The following ADSS2 variants were observed in gnomAD, a reference collection of about 807,000 sequenced individuals.
ADSS2 encodes adenylosuccinate synthetase isozyme 2.
ADSS2 carries 30 observed loss-of-function variants against 60.0 expected under a neutral mutation model. That is an observed-to-expected ratio of 0.50 (90% CI 0.37 to 0.68). The LOEUF (loss-of-function observed/expected upper bound fraction) is 0.68, where lower values mean the gene tolerates loss of function less well. ADSS2 is among the 30% of genes least tolerant of loss of function. ADSS2 has a pLI of 0.00. For missense variants in ADSS2, 373 were observed against 554.8 expected (o/e 0.67, Z 3.29); for synonymous variants, 187 against 193.1 (o/e 0.97, Z 0.26).
At chr1:244,436,261 C>T (rs1665098812) in intron 3 of ADSS2, among the ~76,000 whole-genome samples, 1 of 152,134 alleles carries the variant, frequency 6.6e-6, no homozygotes, top group African/African-American at 2.4e-5. Flanking sequence ...CCCTCACACC[C>T]TAATGAGATG....
rs1227352699 is a variant in ADSS2, at chr1:244,451,349, C to T, written c.183+286G>A. ...CCGGCGCTGAGCACCACTCGCCAGACGCAAAACTGCAACTGCCAGGCATCG... is the reference window on the plus strand; with the variant it reads ...CCGGCGCTGAGCACCACTCGCCAGATGCAAAACTGCAACTGCCAGGCATCG... On this transcript the variant is annotated intron_variant, in intron 1 of 12. Transcript: ENST00000366535. This position sits in a 1 kb window ranked among gnomAD's most constrained non-coding sequence, Gnocchi z 6.6. Among the ~76,000 whole-genome samples, 1 of 152,196 alleles carries T rather than the reference C, an allele frequency of 6.6e-6. No homozygotes were observed. The highest frequency in any genetic ancestry group is 2.4e-5 in the African/African-American group (1 of 41,456).
chr1:244,450,027 T>C (rs1046823827), intron 1 of ADSS2, among the ~76,000 whole-genome samples: 7 of 152,248 alleles, frequency 4.6e-5, no homozygotes, highest in Admixed American at 3.3e-4. Flanking sequence ...TTACAACCCA[T>C]AGTGTAGCTC....
chr1:244,435,445 T>C (rs867890123), intron 3 of ADSS2, among the ~76,000 whole-genome samples: 2 of 152,172 alleles, frequency 1.3e-5, no homozygotes, highest in Non-Finnish European at 2.9e-5. Flanking sequence ...ATATACACCT[T>C]ACATATCAAT....
At chr1:244,443,299 C>T (rs543630299) in intron 1 of ADSS2, among the ~76,000 whole-genome samples, 68 of 152,228 alleles carry the variant, frequency 4.5e-4, no homozygotes, top group Non-Finnish European at 8.2e-4. Context: ...CTAACTACCT[C>T]CTGCTTCTTT....
chr1:244,432,660 C>CTTT (rs532312490), intron 3 of ADSS2, 65 bp from the exon 4 acceptor site: 44,375 of 380,868 alleles, frequency 0.12, 3,619 homozygotes, highest in African/African-American at 0.17. Flanking sequence ...ATCTTAATTT[C>CTTT]TTTTTTTTTT....
In ADSS2 at chr1:244,409,595, T is replaced by G. The variant is rs767664950; in HGVS notation, c.1362A>C (p.Gln454His). 1.9e-6 allele frequency: 3 copies of G among 1,608,954 alleles called. No individual in the cohort carries two copies. The highest frequency in any genetic ancestry group is 4.5e-5 in the East Asian group (2 of 44,752). The change falls in exon 13 of 13, where the codon CAA becomes CAC. Residue 454 changes from glutamine to histidine, a missense_variant. Around this residue, in one of 5 missense-constraint regions of ADSS2, gnomAD observed 130 missense variants for 169.4 expected, o/e 0.77. Coordinates refer to ENST00000366535, the MANE Select transcript of ADSS2 (RefSeq NM_001126.5). ...GCATTACTGGCAATCATTAAAAGAGTTGAATCATAGATTCTCTGGATTTAC... is the reference window on the plus strand; with the variant it reads ...GCATTACTGGCAATCATTAAAAGAGGTGAATCATAGATTCTCTGGATTTAC... ...GVGKSRESMI[Q>H]LF
chr1:244,442,622 T>C (rs1665275308), intron 1 of ADSS2, among the ~76,000 whole-genome samples: 2 of 152,046 alleles, frequency 1.3e-5, no homozygotes, highest in Non-Finnish European at 2.9e-5. Flanking sequence ...TGTGAGGCAG[T>C]TGGGGTATAA....
chr1:244,426,695 G>C (rs1302631603), intron 4 of ADSS2, among the ~76,000 whole-genome samples: 1 of 152,032 alleles, frequency 6.6e-6, no homozygotes, highest in African/African-American at 2.4e-5. Context: ...CACTTTGCTT[G>C]CTTTCTCACA....
intron 1 of ADSS2, among the ~76,000 whole-genome samples, chr1:244,446,753 T>G (rs1481979550): frequency 6.6e-6 from 1 of 152,100 alleles, no homozygotes; most frequent in East Asian, 1.9e-4. Flanking sequence ...CCATAAGACA[T>G]CCAACCAAAA....
At chr1:244,417,903 G>A in intron 9 of ADSS2, 151 bp from the exon 10 acceptor site, 1 of 666,462 alleles carries the variant, frequency 1.5e-6, no homozygotes, top group East Asian at 3.1e-5. Context: ...CAGAGATGAT[G>A]AATTTTATCT....
At chr1:244,431,828 G>A (rs1032949276) in intron 4 of ADSS2, among the ~76,000 whole-genome samples, 13 of 152,120 alleles carry the variant, frequency 8.5e-5, no homozygotes, top group African/African-American at 2.9e-4. Flanking sequence ...TGGAGGGACC[G>A]TTATTTGATT....
chr1:244,447,029 T>C (rs1207796787), intron 1 of ADSS2, among the ~76,000 whole-genome samples: 1 of 152,200 alleles, frequency 6.6e-6, no homozygotes, highest in Non-Finnish European at 1.5e-5. Flanking sequence ...TTTGGTTCAA[T>C]GTAAAGAACT....
chr1:244,424,426 A>C, intron 4 of ADSS2, 39 bp from the exon 5 acceptor site: 1 of 1,579,782 alleles, frequency 6.3e-7, no homozygotes. Flanking sequence ...AAACAAAGAT[A>C]ATACACAAAA....
In ADSS2 at chr1:244,451,794, C is replaced by T. The variant is rs777310491; in HGVS notation, c.24G>A (p.Pro8=). 6.3e-6 allele frequency: 10 copies of T among 1,595,142 alleles called. No homozygotes were observed. The highest frequency in any genetic ancestry group is 1.9e-4 in the Middle Eastern group (1 of 5,224). MAFAETY[P]AASSLPNGDC... ...CGCCGTTGGGCAGGGAGGATGCCGC[C>T]GGGTAGGTCTCGGCGAACGCCATGG... Residue 8 remains proline (P), a synonymous_variant, in exon 1 of 13, where the codon CCG becomes CCA. Coordinates refer to ENST00000366535, the MANE Select transcript of ADSS2 (RefSeq NM_001126.5). This position sits in a 1 kb window ranked among gnomAD's most constrained non-coding sequence, Gnocchi z 6.6.
At chr1:244,419,036 C>T (rs1171059891) in intron 8 of ADSS2, 122 bp from the exon 9 acceptor site, 4 of 894,200 alleles carry the variant, frequency 4.5e-6, no homozygotes, top group Non-Finnish European at 6.6e-6. Flanking sequence ...TGAACTGTAA[C>T]TGCCCTCTCA....
intron 3 of ADSS2, among the ~76,000 whole-genome samples, chr1:244,435,410 T>C (rs1388976826): frequency 1.3e-5 from 2 of 152,120 alleles, no homozygotes; most frequent in African/African-American, 4.8e-5. Flanking sequence ...GGCTCAAATA[T>C]ATACATGAAA....
At chr1:244,422,812 T>C (rs1222434447) in intron 7 of ADSS2, 23 bp downstream of exon 7, 7 of 1,540,636 alleles carry the variant, frequency 4.5e-6, no homozygotes, top group Non-Finnish European at 3.6e-6. Context: ...AAAAAGAACA[T>C]TAAAGATGCC....
intron 3 of ADSS2, among the ~76,000 whole-genome samples, chr1:244,433,595 C>T (rs191651643): frequency 2.0e-4 from 31 of 152,284 alleles, no homozygotes; most frequent in African/African-American, 6.5e-4. Context: ...CGGTGGCTTA[C>T]GCCTGTAATC....
intron 4 of ADSS2, among the ~76,000 whole-genome samples, chr1:244,429,695 C>T (rs1030849963): frequency 6.6e-6 from 1 of 152,076 alleles, no homozygotes; most frequent in Non-Finnish European, 1.5e-5. Context: ...GCCTGGCCAA[C>T]ATGGTAAAAC....
Sources: gnomAD v4.1 joint callset for allele counts (sites outside exome capture counted in the v4.1 genomes callset) on GRCh38, gnomAD v4.1.1 for gene constraint, gnomAD v4.1.1 regional missense constraint, Gnocchi (gnomAD v3.1) non-coding constraint, MANE v1.5 for transcripts, NCBI Gene and HGNC (gene_info 2026-07-23, HGNC 2026-07-21) for gene names.